Variants in AGBL1 observed in about 807,000 individuals in gnomAD.
AGBL1 encodes the protein cytosolic carboxypeptidase 4.
A neutral mutation model predicts 118.9 loss-of-function variants in AGBL1; 130 were observed. The observed-to-expected ratio is 1.09, with a 90% CI of 0.95 to 1.26. The LOEUF (loss-of-function observed/expected upper bound fraction) is 1.26, where lower values mean the gene tolerates loss of function less well. Among genes scored for constraint, AGBL1 ranks in the 50% most tolerant of loss-of-function variants. The pLI, the probability that AGBL1 is intolerant of heterozygous loss-of-function variation, is 0.00. For missense variants in AGBL1, 1,584 were observed against 1,298.1 expected, an observed-to-expected ratio of 1.22 and a Z score of -3.38; for synonymous variants, 555 against 478.9, an observed-to-expected ratio of 1.16 and a Z score of -2.08.
chr15:86,435,332 A>G (rs1338313369), intron 18 of AGBL1, among the ~76,000 whole-genome samples: 1 of 152,216 alleles, frequency 6.6e-6, no homozygotes, highest in Non-Finnish European at 1.5e-5. Flanking sequence ...GGGAGAAGAT[A>G]AGCTGTGAAT....
chr15:86,257,789 A>T (rs542882353), intron 8 of AGBL1, among the ~76,000 whole-genome samples, 175 bp from the exon 9 acceptor site: 1 of 152,346 alleles, frequency 6.6e-6, no homozygotes, highest in Non-Finnish European at 1.5e-5. Flanking sequence ...TGCCTACATG[A>T]ACACCATTTA....
chr15:87,020,325 T>C (rs572339505), intron 24 of AGBL1, among the ~76,000 whole-genome samples: 1 of 152,164 alleles, frequency 6.6e-6, no homozygotes, highest in Admixed American at 6.5e-5. Flanking sequence ...AAACTCTCAA[T>C]AAACTAGGAA....
At chr15:86,564,822 G>T (rs1462094890) in intron 21 of AGBL1, among the ~76,000 whole-genome samples, 1 of 152,156 alleles carries the variant, frequency 6.6e-6, no homozygotes, top group African/African-American at 2.4e-5. Flanking sequence ...TGGAGGCTTT[G>T]TTTGTTTGTT....
chr15:86,759,560 T>C (rs1300433941), intron 22 of AGBL1, among the ~76,000 whole-genome samples: 1 of 152,154 alleles, frequency 6.6e-6, no homozygotes. Context: ...CAATGTTAAT[T>C]GACTTGCTTT....
At chr15:86,406,269 G>T (rs538529821) in intron 18 of AGBL1, among the ~76,000 whole-genome samples, 1 of 152,304 alleles carries the variant, frequency 6.6e-6, no homozygotes, top group African/African-American at 2.4e-5. Context: ...ACTGTCAACT[G>T]TCAAGGGCAT....
intron 22 of AGBL1, among the ~76,000 whole-genome samples, chr15:86,858,981 C>G (rs1009340935): frequency 6.6e-6 from 1 of 152,152 alleles, no homozygotes; most frequent in African/African-American, 2.4e-5. Context: ...GGCTACTTAC[C>G]TTTCCTAAGC....
At chr15:86,847,923 G>T (rs1304811589) in intron 22 of AGBL1, among the ~76,000 whole-genome samples, 1 of 152,106 alleles carries the variant, frequency 6.6e-6, no homozygotes, top group East Asian at 1.9e-4. Context: ...CTGCTTTATT[G>T]CTTGATCACA....
At chr15:86,329,197 G>A (rs902998583) in intron 17 of AGBL1, among the ~76,000 whole-genome samples, 2 of 152,102 alleles carry the variant, frequency 1.3e-5, no homozygotes, top group South Asian at 2.1e-4. Flanking sequence ...CCCTGAGTTC[G>A]TGGTCCAGCA....
intron 17 of AGBL1, among the ~76,000 whole-genome samples, chr15:86,301,703 C>T (rs1182307199): frequency 1.4e-5 from 2 of 140,460 alleles, no homozygotes; most frequent in African/African-American, 5.3e-5. Flanking sequence ...TGATGTCAAA[C>T]GGGTCATTAT....
intron 8 of AGBL1, among the ~76,000 whole-genome samples, chr15:86,257,373 T>G (rs571594368): frequency 1.2e-4 from 19 of 152,326 alleles, no homozygotes; most frequent in African/African-American, 4.3e-4. Context: ...GCCCTAAGGA[T>G]GAAATTGAAA....
intron 24 of AGBL1, among the ~76,000 whole-genome samples, chr15:87,007,762 G>A (rs2081519630): frequency 6.6e-6 from 1 of 152,210 alleles, no homozygotes; most frequent in African/African-American, 2.4e-5. Flanking sequence ...TGACTCTACA[G>A]ATTACCTCTG....
At chr15:86,384,683 C>G (rs1257937810) in intron 17 of AGBL1, among the ~76,000 whole-genome samples, 1 of 152,126 alleles carries the variant, frequency 6.6e-6, no homozygotes, top group Non-Finnish European at 1.5e-5. Context: ...CTCGATTACA[C>G]CACTTCCTCT....
intron 21 of AGBL1, among the ~76,000 whole-genome samples, chr15:86,583,055 A>T (rs28362134): frequency 1.8e-4 from 27 of 151,934 alleles, no homozygotes; most frequent in Admixed American, 7.2e-4. Context: ...TTTTTTTTTT[A>T]AAAAACACCA....
At chr15:86,763,924 T>C (rs1238053600) in intron 22 of AGBL1, among the ~76,000 whole-genome samples, 1 of 152,086 alleles carries the variant, frequency 6.6e-6, no homozygotes, top group Non-Finnish European at 1.5e-5. Context: ...ACAGGAATTC[T>C]ATTGTGAATA....
chr15:86,512,277 G>T (rs1297703370), intron 18 of AGBL1, among the ~76,000 whole-genome samples: 3 of 151,710 alleles, frequency 2.0e-5, no homozygotes, highest in Admixed American at 6.6e-5. Flanking sequence ...GTTTATCTGG[G>T]TTTTTTCTAA....
intron 24 of AGBL1, among the ~76,000 whole-genome samples, chr15:87,027,736 C>A (rs1395853356): frequency 6.6e-6 from 1 of 151,924 alleles, no homozygotes; most frequent in Non-Finnish European, 1.5e-5. Context: ...TTTGCAGAGA[C>A]ACAAATGGAG....
intron 22 of AGBL1, among the ~76,000 whole-genome samples, chr15:86,902,525 G>A (rs2080225701): frequency 6.6e-6 from 1 of 152,052 alleles, no homozygotes; most frequent in African/African-American, 2.4e-5. Context: ...GCCTGCTTGT[G>A]TTAAAAATTT....
At chr15:86,700,858 G>A (rs1308017491) in intron 22 of AGBL1, among the ~76,000 whole-genome samples, 1 of 152,046 alleles carries the variant, frequency 6.6e-6, no homozygotes, top group Non-Finnish European at 1.5e-5. Flanking sequence ...ATTCATCCAA[G>A]TGAAAATGTT....
chr15:86,782,371 C>G (rs938027167), intron 22 of AGBL1, among the ~76,000 whole-genome samples: 4 of 152,052 alleles, frequency 2.6e-5, no homozygotes, highest in African/African-American at 7.2e-5. Context: ...ATATATTATT[C>G]CCTTGCAAAA....
Sources: allele counts gnomAD v4.1 joint callset (sites outside exome capture counted in the v4.1 genomes callset), GRCh38; gene constraint gnomAD v4.1.1; transcripts MANE v1.5; gene names NCBI Gene and HGNC (gene_info 2026-07-23, HGNC 2026-07-21).